Variants in PLXDC2 observed in about 807,000 individuals in gnomAD.
PLXDC2 encodes the protein plexin domain containing 2.
A neutral mutation model predicts 68.9 loss-of-function variants in PLXDC2; 40 were observed. The ratio of observed to expected loss-of-function variants is 0.58; its 90% confidence interval spans 0.45 to 0.76. The LOEUF is 0.76. Among genes scored for constraint, PLXDC2 ranks in the 30% least tolerant of loss-of-function variants. The pLI is 0.00. For synonymous variants in PLXDC2, 243 were observed against 234.2 expected, an observed-to-expected ratio of 1.04 and a Z score of -0.34; for missense variants, 644 against 661.9, an observed-to-expected ratio of 0.97 and a Z score of 0.30.
At chr10:20,139,678 A>G (rs569120591) in intron 4 of PLXDC2, among the ~76,000 whole-genome samples, 124 of 152,338 alleles carry the variant, frequency 8.1e-4, no homozygotes, top group African/African-American at 2.9e-3. Context: ...GCAGCCATAA[A>G]AAAGGATGAG....
chr10:20,025,930 A>C (rs961654828), intron 2 of PLXDC2, among the ~76,000 whole-genome samples: 1 of 145,866 alleles, frequency 6.9e-6, no homozygotes, highest in African/African-American at 2.8e-5. Context: ...AATTCTAAGC[A>C]ATTTGTATTC....
At chr10:19,998,035 A>T (rs1834870677) in intron 1 of PLXDC2, among the ~76,000 whole-genome samples, 1 of 152,194 alleles carries the variant, frequency 6.6e-6, no homozygotes, top group African/African-American at 2.4e-5. Context: ...GGGGAAAATG[A>T]TCTTTGAAGG....
intron 1 of PLXDC2, among the ~76,000 whole-genome samples, chr10:19,859,445 A>C (rs567025477): frequency 8.8e-4 from 134 of 152,290 alleles, no homozygotes; most frequent in Non-Finnish European, 1.5e-3. Context: ...TTGGTGCTAC[A>C]TATTATTTTC....
chr10:20,043,201 A>C (rs1432165213), intron 2 of PLXDC2: 1 of 152,204 alleles, frequency 6.6e-6, no homozygotes, highest in African/African-American at 2.4e-5. Flanking sequence ...GTGTCTCTGC[A>C]TTCCTAAGTA....
At chr10:20,042,387 A>G (rs917490211) in intron 2 of PLXDC2, among the ~76,000 whole-genome samples, 1 of 152,194 alleles carries the variant, frequency 6.6e-6, no homozygotes, top group Non-Finnish European at 1.5e-5. Context: ...AATCACTCTT[A>G]TAAGGATGCA....
Position 19,823,333 on chromosome 10 carries a change from G to C in PLXDC2, c.112+6142G>C, listed in dbSNP as rs192051688. Among the ~76,000 whole-genome samples, 19 of 152,064 alleles carry C rather than the reference G, an allele frequency of 1.2e-4. No individual in the cohort carries two copies. In the East Asian group the frequency reaches 3.3e-3, roughly 26 times the overall value. ...TTTGGTTCTTTGTGGGATTCTTTTT[G>C]AATTAAACTGTTTTAGGCCTCATGT... On this transcript the variant is annotated intron_variant, in intron 1 of 13. Transcript: ENST00000377252.
At chr10:20,042,738 G>T (rs941859029) in intron 2 of PLXDC2, among the ~76,000 whole-genome samples, 1 of 152,162 alleles carries the variant, frequency 6.6e-6, no homozygotes, top group African/African-American at 2.4e-5. Flanking sequence ...CAGCATTTGG[G>T]TTAGGAATGA....
chr10:19,998,441 C>T (rs942976501), intron 1 of PLXDC2, among the ~76,000 whole-genome samples: 4 of 152,086 alleles, frequency 2.6e-5, no homozygotes, highest in Admixed American at 2.6e-4. Context: ...CCATGTACTA[C>T]TGAATTATGA....
intron 4 of PLXDC2, among the ~76,000 whole-genome samples, chr10:20,093,590 T>C (rs1319639960): frequency 6.6e-6 from 1 of 152,210 alleles, no homozygotes; most frequent in African/African-American, 2.4e-5. Context: ...AATATTTTTT[T>C]TTCCAGAAAA....
chr10:20,014,088 C>G (rs1411757595), intron 2 of PLXDC2, among the ~76,000 whole-genome samples: 2 of 152,192 alleles, frequency 1.3e-5, no homozygotes, highest in Admixed American at 1.3e-4. Flanking sequence ...TTTACATTCA[C>G]TATTCCTCAA....
intron 9 of PLXDC2, among the ~76,000 whole-genome samples, chr10:20,190,279 C>T (rs893595761): frequency 6.6e-6 from 1 of 151,872 alleles, no homozygotes; most frequent in African/African-American, 2.4e-5. Flanking sequence ...TTATATATTT[C>T]ATTCCTTTAG....
chr10:20,101,993 G>C (rs1453671117), intron 4 of PLXDC2, among the ~76,000 whole-genome samples: 6 of 151,756 alleles, frequency 4.0e-5, no homozygotes, highest in African/African-American at 1.2e-4. Context: ...GTAGAGATGG[G>C]GTTTCACCAT....
chr10:20,062,409 C>G (rs1439175422), intron 3 of PLXDC2, among the ~76,000 whole-genome samples: 1 of 151,446 alleles, frequency 6.6e-6, no homozygotes, highest in Non-Finnish European at 1.5e-5. Flanking sequence ...GGTGGCAGAG[C>G]GAGACTCCAT....
chr10:19,882,980 A>G (rs1837758753), intron 1 of PLXDC2, among the ~76,000 whole-genome samples: 2 of 142,136 alleles, frequency 1.4e-5, no homozygotes, highest in South Asian at 2.2e-4. Context: ...TTTTTGAGAC[A>G]GAGTCTCACT....
intron 3 of PLXDC2, among the ~76,000 whole-genome samples, chr10:20,066,217 A>G (rs561060931): frequency 2.2e-4 from 33 of 152,326 alleles, no homozygotes; most frequent in African/African-American, 7.9e-4. Flanking sequence ...TTCTTGAAGC[A>G]TTTGCAAATT....
At position 20,287,731 on chromosome 10, in the gene PLXDC2, G is replaced by A. The variant is rs925433942; in HGVS notation, c.*7912G>A. On this transcript the variant is annotated 3_prime_UTR_variant, in exon 14 of 14. Coordinates refer to ENST00000377252, the MANE Select transcript of PLXDC2 (RefSeq NM_032812.9). ...AACCCAGTCTTGGGGCCCTCACGGA[G>A]AAGAGGGGGAAGTCTTTTCATTGAT... The A allele has an allele frequency of 9.9e-5, 15 of 152,112 alleles. No individual in the cohort carries two copies. The highest frequency in any genetic ancestry group is 2.1e-4 in the Non-Finnish European group (14 of 68,024). 9.4% of individuals were successfully genotyped at this position (152,112 alleles called of 1,614,324 possible).
At chr10:19,825,447 G>C (rs1318787598) in intron 1 of PLXDC2, among the ~76,000 whole-genome samples, 1 of 152,116 alleles carries the variant, frequency 6.6e-6, no homozygotes, top group African/African-American at 2.4e-5. Context: ...TATGATGCTT[G>C]GTAAGTACAC....
intron 1 of PLXDC2, among the ~76,000 whole-genome samples, chr10:19,917,095 T>G (rs1423875020): frequency 6.6e-6 from 1 of 152,230 alleles, no homozygotes; most frequent in Non-Finnish European, 1.5e-5. Context: ...ATATCTCAAC[T>G]CTTCTAGAAA....
At chr10:20,142,037 C>G (rs1182969867) in intron 4 of PLXDC2, among the ~76,000 whole-genome samples, 1 of 151,778 alleles carries the variant, frequency 6.6e-6, no homozygotes, top group East Asian at 1.9e-4. Flanking sequence ...GAAGATATTG[C>G]CAAAAAGAGA....
Sources: gnomAD v4.1 joint callset for allele counts (sites outside exome capture counted in the v4.1 genomes callset) on GRCh38, gnomAD v4.1.1 for gene constraint, MANE v1.5 for transcripts, NCBI Gene and HGNC (gene_info 2026-07-23, HGNC 2026-07-21) for gene names.